The following SHANK2 variants were observed in gnomAD, a reference collection of about 807,000 sequenced individuals.
The protein encoded by SHANK2 is SH3 and multiple ankyrin repeat domains 2.
A neutral mutation model predicts 133.7 loss-of-function variants in SHANK2; 43 were observed. The observed-to-expected ratio is 0.32, with a 90% confidence interval of 0.25 to 0.41. The LOEUF (loss-of-function observed/expected upper bound fraction) is 0.41, where lower values mean the gene tolerates loss of function less well. Ranked by LOEUF, SHANK2 falls within the 10% of genes least tolerant of loss-of-function variation. The pLI, the probability that SHANK2 is intolerant of heterozygous loss-of-function variation, is 1.00. For synonymous variants in SHANK2, 1,017 were observed against 952.8 expected (o/e 1.07, Z -1.24); for missense variants, 1,994 against 2,235.8 (o/e 0.89, Z 2.18).
intron 8 of SHANK2, among the ~76,000 whole-genome samples, chr11:71,076,395 AG>A (rs1951220028): frequency 6.6e-6 from 1 of 152,090 alleles, no homozygotes; most frequent in Admixed American, 6.5e-5. Context: ...TCACCTTCTC[AG>A]GGTCCACGAG....
intron 17 of SHANK2, among the ~76,000 whole-genome samples, chr11:70,557,589 A>G (rs1475484772): frequency 6.6e-6 from 1 of 152,146 alleles, no homozygotes; most frequent in East Asian, 1.9e-4. Flanking sequence ...GCAGGCTGGC[A>G]GCACCGCGGG....
chr11:70,596,589 G>C (rs576881444), intron 17 of SHANK2, among the ~76,000 whole-genome samples: 2 of 151,848 alleles, frequency 1.3e-5, no homozygotes, highest in East Asian at 1.9e-4. Context: ...ATCCTGATGC[G>C]GGGGGGCGGC....
chr11:71,083,977 T>TG (rs1951339323), intron 8 of SHANK2, among the ~76,000 whole-genome samples: 1 of 39,392 alleles, frequency 2.5e-5, no homozygotes, highest in African/African-American at 6.1e-5. Context: ...ACAACTTTTT[T>TG]TTGGGGGGGG....
intron 8 of SHANK2, among the ~76,000 whole-genome samples, chr11:71,085,664 A>C (rs1248240884): frequency 6.7e-5 from 1 of 14,994 alleles, no homozygotes; most frequent in African/African-American, 1.6e-4. Context: ...ATATTATATT[A>C]TATATGTTAT....
chr11:70,505,272 G>A (rs2059119854), intron 17 of SHANK2, among the ~76,000 whole-genome samples: 1 of 152,138 alleles, frequency 6.6e-6, no homozygotes, highest in Non-Finnish European at 1.5e-5. Context: ...GAAGTTATGG[G>A]CCAGGGAGTG....
intron 2 of SHANK2, among the ~76,000 whole-genome samples, chr11:71,164,803 T>C (rs1307516725): frequency 1.3e-5 from 2 of 152,138 alleles, no homozygotes; most frequent in Admixed American, 6.5e-5. Context: ...CAGGCATCTA[T>C]CTGTTGGGGG....
At chr11:70,814,654 C>T (rs1011278060) in intron 12 of SHANK2, among the ~76,000 whole-genome samples, 2 of 152,230 alleles carry the variant, frequency 1.3e-5, no homozygotes, top group African/African-American at 2.4e-5. Flanking sequence ...TGGGTCCTGC[C>T]GGGGTCCAGC....
chr11:70,654,859 C>T (rs1018582800), intron 17 of SHANK2, among the ~76,000 whole-genome samples: 9 of 151,890 alleles, frequency 5.9e-5, no homozygotes, highest in Admixed American at 5.9e-4. Context: ...CGTCCGCCTC[C>T]CGGGTTCAAG....
chr11:70,558,455 C>A (rs972157082), intron 17 of SHANK2, among the ~76,000 whole-genome samples: 1 of 152,260 alleles, frequency 6.6e-6, no homozygotes, highest in Non-Finnish European at 1.5e-5. Flanking sequence ...CTGGACAGAG[C>A]TTCGGAGCTC....
chr11:70,792,749 T>C (rs1396160316), intron 14 of SHANK2, among the ~76,000 whole-genome samples: 2 of 152,190 alleles, frequency 1.3e-5, no homozygotes, highest in Non-Finnish European at 2.9e-5. Flanking sequence ...ATCTTCCAGA[T>C]TCTATGTATA....
At chr11:70,526,208 C>A (rs2135950877) in intron 17 of SHANK2, among the ~76,000 whole-genome samples, 1 of 152,340 alleles carries the variant, frequency 6.6e-6, no homozygotes, top group Non-Finnish European at 1.5e-5. Context: ...TCTCTAGCAG[C>A]TAAGCAAGCG....
chr11:70,843,439 T>C (rs1170954469), intron 11 of SHANK2, among the ~76,000 whole-genome samples: 1 of 151,740 alleles, frequency 6.6e-6, no homozygotes, highest in Non-Finnish European at 1.5e-5. Context: ...GAAATTCGTA[T>C]TGTGAGGTCC....
chr11:70,577,657 C>T (rs1554984572), intron 17 of SHANK2, among the ~76,000 whole-genome samples: 1 of 150,448 alleles, frequency 6.6e-6, no homozygotes, highest in Admixed American at 6.6e-5. Context: ...CCCACCCAGG[C>T]CCACCCCCAC....
At chr11:70,942,894 G>T (rs1247456744) in intron 10 of SHANK2, 1 of 456,240 alleles carries the variant, frequency 2.2e-6, no homozygotes, top group African/African-American at 2.0e-5. Flanking sequence ...TGTTACTGAG[G>T]GTTCTGGGTC....
intron 3 of SHANK2, among the ~76,000 whole-genome samples, chr11:71,143,726 C>T (rs1296739518): frequency 6.6e-6 from 1 of 152,058 alleles, no homozygotes; most frequent in South Asian, 2.1e-4. Context: ...TCCATGTTAA[C>T]GAATCAACAT....
intron 15 of SHANK2, among the ~76,000 whole-genome samples, chr11:70,678,076 C>T (rs1944939153): frequency 6.6e-6 from 1 of 152,232 alleles, no homozygotes; most frequent in South Asian, 2.1e-4. Context: ...CAGTTTCTCA[C>T]TTTAAATCTT....
chr11:70,623,479 G>A (rs377724417), intron 17 of SHANK2, among the ~76,000 whole-genome samples: 2 of 152,158 alleles, frequency 1.3e-5, no homozygotes, highest in African/African-American at 2.4e-5. Flanking sequence ...CGAAGGCTGC[G>A]CCCCCACAGC....
rs539127076 is a variant in SHANK2, at chr11:71,166,934, G to A, written c.-12-19596C>T. On this transcript the variant is annotated intron_variant, in intron 2 of 25. Coordinates refer to ENST00000601538, the MANE Select transcript of SHANK2 (RefSeq NM_012309.5). ...GGTTTTCCTAGGCAGAGGACCCTGC[G>A]GCCTTCCGCAGTGTTTGTGTCCCTG... 2.8e-4 allele frequency among the ~76,000 whole-genome samples: 38 copies of A among 137,322 alleles called. 3 individuals are homozygous for A. The highest frequency in any genetic ancestry group is 8.3e-4 in the African/African-American group (33 of 39,794). The allele number at this position is 137,322 out of a possible 152,430, so 90.1% of individuals were successfully genotyped here.
rs925070133 is a variant in SHANK2 at position 70,725,409 on chromosome 11, G to A, written c.1778-26646C>T. 1.8e-4 allele frequency among the ~76,000 whole-genome samples: 28 copies of A among 152,316 alleles called. 1 individual carries two copies. Among genetic ancestry groups the A allele is most frequent in the East Asian group, 1.2e-3 (6 of 5,180 alleles). ...GTACTGGGACAGGAAGGCACATGGC[G>A]CTGAGGGCTTGCCAGGGTGCGGTGG... On this transcript the variant is annotated intron_variant, in intron 14 of 25. Coordinates refer to ENST00000601538, the MANE Select transcript of SHANK2 (RefSeq NM_012309.5).
Sources: allele counts gnomAD v4.1 joint callset (sites outside exome capture counted in the v4.1 genomes callset), GRCh38; gene constraint gnomAD v4.1.1; transcripts MANE v1.5; gene names NCBI Gene and HGNC (gene_info 2026-07-23, HGNC 2026-07-21).